NCKAP5: variants seen among roughly 807,000 people sequenced by gnomAD.
NCKAP5 encodes NCK associated protein 5.
Under a neutral mutation model 167.0 loss-of-function variants are expected in NCKAP5, and 92 were observed. That is an observed-to-expected ratio of 0.55 (90% confidence interval 0.47 to 0.66). The LOEUF is 0.66. Among genes scored for constraint, NCKAP5 ranks in the 30% least tolerant of loss-of-function variants. The pLI, the probability that NCKAP5 is intolerant of heterozygous loss-of-function variation, is 0.00. For missense variants in NCKAP5, 2,378 were observed against 2,315.0 expected (o/e 1.03, Z -0.56); for synonymous variants, 891 against 877.4 (o/e 1.02, Z -0.27).
chr2:133,040,545 T>A (rs1374199690), intron 6 of NCKAP5, among the ~76,000 whole-genome samples: 2 of 152,212 alleles, frequency 1.3e-5, no homozygotes, highest in African/African-American at 4.8e-5. Context: ...ATGTATGCTC[T>A]TTTTAATTCC....
chr2:132,880,926 CAT>C (rs1369378237), intron 8 of NCKAP5, among the ~76,000 whole-genome samples: 1 of 152,150 alleles, frequency 6.6e-6, no homozygotes, highest in South Asian at 2.1e-4. Flanking sequence ...AATACTTCCA[CAT>C]GTGTTTCCTC....
At chr2:133,463,023 G>A (rs931538731) in intron 3 of NCKAP5, among the ~76,000 whole-genome samples, 7 of 152,104 alleles carry the variant, frequency 4.6e-5, no homozygotes, top group African/African-American at 9.7e-5. Context: ...GCGATTAGTC[G>A]CTAATATCAA....
intron 4 of NCKAP5, among the ~76,000 whole-genome samples, chr2:133,244,637 G>A (rs2087886344): frequency 6.6e-6 from 1 of 152,066 alleles, no homozygotes; most frequent in Non-Finnish European, 1.5e-5. Flanking sequence ...AGGCCCATGG[G>A]AGAAAAGGAG....
intron 19 of NCKAP5, among the ~76,000 whole-genome samples, chr2:132,682,996 G>A (rs1000269050): frequency 1.3e-5 from 2 of 150,528 alleles, no homozygotes; most frequent in African/African-American, 4.9e-5. Context: ...CTATTCTCCT[G>A]CCTCAGTCTC....
At chr2:132,740,533 C>T (rs886794312) in intron 16 of NCKAP5, among the ~76,000 whole-genome samples, 1 of 152,118 alleles carries the variant, frequency 6.6e-6, no homozygotes, top group Non-Finnish European at 1.5e-5. Context: ...ATGGTTTTCT[C>T]CAAGTAGTAA....
chr2:132,772,999 A>G (rs965724891), intron 16 of NCKAP5, among the ~76,000 whole-genome samples: 10 of 152,182 alleles, frequency 6.6e-5, no homozygotes, highest in African/African-American at 2.4e-4. Context: ...ATACTGGAGC[A>G]TGGTATTCAG....
intron 3 of NCKAP5, among the ~76,000 whole-genome samples, chr2:133,341,871 G>C (rs184173580): frequency 2.0e-5 from 3 of 152,288 alleles, no homozygotes; most frequent in African/African-American, 7.2e-5. Flanking sequence ...TTGCATAGTA[G>C]CAATTTCATA....
intron 6 of NCKAP5, among the ~76,000 whole-genome samples, chr2:133,040,266 T>G (rs2079168543): frequency 6.6e-6 from 1 of 152,142 alleles, no homozygotes; most frequent in Non-Finnish European, 1.5e-5. Context: ...TTCTTGCGCT[T>G]TTATATTAGG....
intron 5 of NCKAP5, among the ~76,000 whole-genome samples, chr2:133,145,343 A>C (rs141997638): frequency 1.2e-4 from 18 of 152,048 alleles, no homozygotes; most frequent in East Asian, 1.2e-3. Context: ...CCTGTCGGGA[A>C]GTAGGGGTTA....
chr2:133,622,782 C>A, the NCKAP5 span, among the ~76,000 whole-genome samples: 1 of 151,922 alleles, frequency 6.6e-6, no homozygotes, highest in South Asian at 2.1e-4. Context: ...TACCATCAGT[C>A]TTCACAGAAC....
chr2:133,426,252 G>A (rs918210488), intron 3 of NCKAP5, among the ~76,000 whole-genome samples: 2 of 151,770 alleles, frequency 1.3e-5, no homozygotes, highest in Admixed American at 6.6e-5. Flanking sequence ...CCTGGGCAAC[G>A]GAGCCAAACT....
the NCKAP5 span, among the ~76,000 whole-genome samples, chr2:133,633,824 GATAA>G: frequency 6.6e-6 from 1 of 152,182 alleles, no homozygotes; most frequent in African/African-American, 2.4e-5. Context: ...GCATCTAAAA[GATAA>G]ATAGAGCATG....
intron 8 of NCKAP5, among the ~76,000 whole-genome samples, chr2:132,895,288 G>C (rs533884735): frequency 1.4e-5 from 2 of 148,026 alleles, no homozygotes; most frequent in East Asian, 4.0e-4. Context: ...CCGAGATCGC[G>C]TCACTGCACT....
the NCKAP5 span, among the ~76,000 whole-genome samples, chr2:133,641,884 C>G: frequency 6.6e-6 from 1 of 152,160 alleles, no homozygotes; most frequent in Non-Finnish European, 1.5e-5. Context: ...AAGTGCCTCT[C>G]TCCATTGAAT....
At chr2:133,415,715 T>C (rs1163151833) in intron 3 of NCKAP5, among the ~76,000 whole-genome samples, 1 of 152,208 alleles carries the variant, frequency 6.6e-6, no homozygotes, top group African/African-American at 2.4e-5. Context: ...GACCTCAAAG[T>C]GCTATTTTTA....
At chr2:133,657,320 G>C in the NCKAP5 span, among the ~76,000 whole-genome samples, 4 of 152,340 alleles carry the variant, frequency 2.6e-5, no homozygotes, top group East Asian at 5.8e-4. Flanking sequence ...ATGTGTGTTG[G>C]AGAGGAAGGG....
At chr2:133,319,371 A>G (rs1415987143) in intron 3 of NCKAP5, among the ~76,000 whole-genome samples, 1 of 152,136 alleles carries the variant, frequency 6.6e-6, no homozygotes, top group Non-Finnish European at 1.5e-5. Context: ...TGTGAAGCCT[A>G]TGTTTGTACT....
intron 8 of NCKAP5, among the ~76,000 whole-genome samples, chr2:132,890,067 T>G (rs1164317840): frequency 1.3e-5 from 2 of 152,192 alleles, no homozygotes; most frequent in Admixed American, 6.5e-5. Context: ...CTTTCAAGCT[T>G]GCTGAAACTC....
At chr2:132,878,971 G>C in intron 8 of NCKAP5, 55 bp from the exon 9 acceptor site, 1 of 1,373,620 alleles carries the variant, frequency 7.3e-7, no homozygotes, top group South Asian at 1.2e-5. Flanking sequence ...TGTGTTATGT[G>C]ACAACTTATT....
Sources: gnomAD v4.1 joint callset for allele counts (sites outside exome capture counted in the v4.1 genomes callset) on GRCh38, gnomAD v4.1.1 for gene constraint, MANE v1.5 for transcripts, NCBI Gene and HGNC (gene_info 2026-07-23, HGNC 2026-07-21) for gene names.